CPAMD8: variants seen among roughly 807,000 people sequenced by gnomAD.
The protein encoded by CPAMD8 is C3 and PZP-like alpha-2-macroglobulin domain-containing protein 8.
A neutral mutation model predicts 224.7 loss-of-function variants in CPAMD8; 146 were observed. The observed-to-expected ratio is 0.65, with a 90% CI of 0.57 to 0.75. The LOEUF is 0.75. Among genes scored for constraint, CPAMD8 ranks in the 30% least tolerant of loss-of-function variants. The probability of loss-of-function intolerance (pLI) is 0.00; values close to 1 mark genes in which losing one functional copy is unlikely to be tolerated. For missense variants in CPAMD8, 2,301 were observed against 2,537.5 expected (o/e 0.91, Z 2.00); for synonymous variants, 966 against 1,044.6 (o/e 0.92, Z 1.45).
chr19:16,942,347 C>A (rs142014724), intron 22 of CPAMD8, among the ~76,000 whole-genome samples: 5 of 151,768 alleles, frequency 3.3e-5, no homozygotes, highest in Non-Finnish European at 5.9e-5. Context: ...CTGTAGTCCC[C>A]GCTACTCAGG....
chr19:16,953,978 AGGCTG>A (rs939631215), intron 19 of CPAMD8, among the ~76,000 whole-genome samples: 4 of 152,110 alleles, frequency 2.6e-5, no homozygotes, highest in African/African-American at 9.7e-5. Flanking sequence ...GCAAGAAAAA[AGGCTG>A]GGCATGGTGG....
At chr19:16,952,225 TG>T in intron 19 of CPAMD8, 25 bp from the exon 20 acceptor site, 2 of 1,328,930 alleles carry the variant, frequency 1.5e-6, no homozygotes, top group Non-Finnish European at 2.1e-6. Flanking sequence ...ACAGCCATGA[TG>T]GGGGGCCCTT....
intron 30 of CPAMD8, among the ~76,000 whole-genome samples, chr19:16,906,374 CTTT>C (rs58528053): frequency 0.03 from 2,832 of 93,676 alleles, 113 homozygotes; most frequent in Non-Finnish European, 0.039. Flanking sequence ...TTCTTTCTTT[CTTT>C]CTTTCTTTCT....
rs534737657 is a variant in CPAMD8, at chr19:16,916,625, G to C, written c.3630-1812C>G. On this transcript the variant is annotated intron_variant, in intron 27 of 41. Coordinates refer to ENST00000443236, the MANE Select transcript of CPAMD8 (RefSeq NM_015692.5). The stretch of plus-strand genomic sequence containing the variant: ...GTGGTGGCGGGCACCTGTAATCCCA[G>C]CTACTCGGGAGGCTGAGGCAAGAGA... 1.4e-4 allele frequency among the ~76,000 whole-genome samples: 21 copies of C among 152,086 alleles called. No individual in the cohort carries two copies. In the East Asian group the frequency reaches 4.1e-3, roughly 30 times the overall value.
Position 16,904,248 on chromosome 19 carries a change from A to G in CPAMD8, c.4229T>C (p.Leu1410Pro). ...CGCCTGAGTGGAGGAGAAGCCCCCA[A>G]GTGCATTTCGCTGCTGGGACAGCCA... ...VKWLSQQRNA[L>P]GGFSSTQDTC... is the part of the protein sequence containing the mutation. Residue 1410 changes from leucine to proline, a missense_variant, in exon 32 of 42, where the codon CTT becomes CCT. Transcript: ENST00000443236. The G allele has an allele frequency of 7.3e-7, 1 of 1,368,794 alleles. No homozygotes were observed. 84.8% of individuals were successfully genotyped at this position (1,368,794 alleles called of 1,614,324 possible).
Position 16,995,079 on chromosome 19 carries a change from G to A in CPAMD8, c.1096-1493C>T, listed in dbSNP as rs770426392. Among the ~76,000 whole-genome samples, 10 of 152,326 alleles carry A rather than the reference G, an allele frequency of 6.6e-5. 1 individual carries two copies. Among genetic ancestry groups the A allele is most frequent in the East Asian group, 1.9e-4 (1 of 5,188 alleles). On this transcript the variant is annotated intron_variant, in intron 11 of 41. Transcript: ENST00000443236. ...CTTCATACACATTCTGACCCCGCAC[G>A]AGGTACTTTAGTTTCTACTCAAGCT...
At chr19:16,939,382 T>A (rs2053809306) in intron 22 of CPAMD8, among the ~76,000 whole-genome samples, 1 of 151,992 alleles carries the variant, frequency 6.6e-6, no homozygotes, top group African/African-American at 2.4e-5. Context: ...TAATTTTTTA[T>A]ATTTTTAGTG....
chr19:17,000,796 G>A (rs1411576461), intron 9 of CPAMD8, among the ~76,000 whole-genome samples: 1 of 152,184 alleles, frequency 6.6e-6, no homozygotes, highest in Non-Finnish European at 1.5e-5. Context: ...AGGCTAGGTT[G>A]GTGCCACCTC....
chr19:16,901,895 G>T (rs2052272175), intron 35 of CPAMD8, among the ~76,000 whole-genome samples: 1 of 152,256 alleles, frequency 6.6e-6, no homozygotes, highest in South Asian at 2.1e-4. Context: ...TTTCTGAGAT[G>T]GGGAACTTGG....
At chr19:17,004,066 C>T (rs539738493) in intron 8 of CPAMD8, among the ~76,000 whole-genome samples, 18 of 151,966 alleles carry the variant, frequency 1.2e-4, no homozygotes, top group African/African-American at 2.9e-4. Flanking sequence ...CCACCACGCC[C>T]GGCTAATTTT....
In CPAMD8 at chr19:16,897,796, C is replaced by G. The variant is rs144048982; in HGVS notation, c.4960G>C (p.Glu1654Gln). 2.0e-3 allele frequency: 3,190 copies of G among 1,582,982 alleles called. 6 individuals carry two copies. The highest frequency in any genetic ancestry group is 7.2e-3 in the Middle Eastern group (41 of 5,664). ...CTGACGTTGTAGAAGCGAGTGGCCTCGAAGGCTACGGGACGAGGGTGGCGG... is the reference window on the plus strand; with the variant it reads ...CTGACGTTGTAGAAGCGAGTGGCCTGGAAGGCTACGGGACGAGGGTGGCGG... The part of the protein sequence containing the change: ...SVYDYYEPAF[E>Q]ATRFYNVSTH... The change falls in exon 39 of 42, where the codon GAG becomes CAG. Residue 1654 changes from glutamate to glutamine, a missense_variant. By Grantham distance (29) the Glu-to-Gln change is conservative. Transcript: ENST00000443236.
At chr19:16,963,842 T>G (rs2054733480) in intron 18 of CPAMD8, among the ~76,000 whole-genome samples, 1 of 152,066 alleles carries the variant, frequency 6.6e-6, no homozygotes, top group Non-Finnish European at 1.5e-5. Flanking sequence ...CAACAAACTG[T>G]CAGACCACAG....
intron 36 of CPAMD8, among the ~76,000 whole-genome samples, 156 bp downstream of exon 36, chr19:16,901,054 G>C (rs553299937): frequency 1.3e-5 from 2 of 151,226 alleles, no homozygotes; most frequent in African/African-American, 4.9e-5. Flanking sequence ...AAGGGGAGGG[G>C]GAGGGGAAGG....
chr19:17,000,387 G>A lies in CPAMD8; in HGVS notation c.867+27C>T, dbSNP rs115711148. Reference sequence around the variant, plus strand: ...GAGGTGAACCTGGGGGTTGGGTCAGGGGGTAGAAGGGGTCCCTGTTTCTCA... The same window carrying A: ...GAGGTGAACCTGGGGGTTGGGTCAGAGGGTAGAAGGGGTCCCTGTTTCTCA... On this transcript the variant is annotated intron_variant, in intron 10 of 41. Transcript: ENST00000443236. The A allele has an allele frequency of 3.0e-3, 2,670 of 876,810 alleles. 45 individuals are homozygous for A. The African/African-American group carries it at 0.039, about 13-fold the overall frequency. 54.3% of individuals were successfully genotyped at this position (876,810 alleles called of 1,614,324 possible). A position where few individuals can be genotyped will look rare whatever the true frequency, so the allele number is the denominator to read the frequency against.
intron 41 of CPAMD8, chr19:16,895,903 GCACACACACA>G (rs57280906): frequency 7.6e-6 from 4 of 524,908 alleles, no homozygotes; most frequent in Admixed American, 7.2e-5. Flanking sequence ...GCGCGCGCAC[GCACACACACA>G]CACACACACA....
chr19:16,993,725 G>T, intron 11 of CPAMD8, 139 bp from the exon 12 acceptor site: 1 of 786,036 alleles, frequency 1.3e-6, no homozygotes, highest in Non-Finnish European at 2.0e-6. Flanking sequence ...AAATTCACAG[G>T]GCATCGCAAC....
At chr19:16,985,342 C>CGGATGGATGGATGGATGGATGGAT (rs145736282) in intron 13 of CPAMD8, among the ~76,000 whole-genome samples, 27 of 142,890 alleles carry the variant, frequency 1.9e-4, no homozygotes, top group African/African-American at 5.0e-4. Context: ...GGATGAAGGG[C>CGGATGGATGGATGGATGGATGGAT]GGATGGATGG....
chr19:17,003,960 G>A (rs187660915), intron 8 of CPAMD8, among the ~76,000 whole-genome samples: 32 of 150,868 alleles, frequency 2.1e-4, no homozygotes, highest in African/African-American at 6.8e-4. Context: ...AGGCTGGAGC[G>A]CAGTAGTGCG....
At chr19:16,997,422 C>A in intron 10 of CPAMD8, 84 bp from the exon 11 acceptor site, 1 of 799,314 alleles carries the variant, frequency 1.3e-6, no homozygotes, top group Non-Finnish European at 2.1e-6. Flanking sequence ...ACCTGAGGTG[C>A]AAGACTCTTC....
Sources: allele counts gnomAD v4.1 joint callset (sites outside exome capture counted in the v4.1 genomes callset), GRCh38; gene constraint gnomAD v4.1.1; transcripts MANE v1.5; gene names NCBI Gene and HGNC (gene_info 2026-07-23, HGNC 2026-07-21).